The following PLXDC2 variants were observed in gnomAD, a reference collection of about 807,000 sequenced individuals.
PLXDC2 encodes plexin domain containing 2.
In PLXDC2, 40 loss-of-function variants were observed where a neutral mutation model predicts 68.9. That is an observed-to-expected ratio of 0.58 (90% confidence interval 0.45 to 0.76). PLXDC2 has a LOEUF of 0.76. PLXDC2 is among the 30% of genes least tolerant of loss of function. The probability of loss-of-function intolerance (pLI) is 0.00; values close to 1 mark genes in which losing one functional copy is unlikely to be tolerated. For synonymous variants in PLXDC2, 243 were observed against 234.2 expected, an observed-to-expected ratio of 1.04 and a Z score of -0.34; for missense variants, 644 against 661.9, an observed-to-expected ratio of 0.97 and a Z score of 0.30.
chr10:19,885,817 G>C (rs1195192401), intron 1 of PLXDC2, among the ~76,000 whole-genome samples: 1 of 152,158 alleles, frequency 6.6e-6, no homozygotes, highest in African/African-American at 2.4e-5. Context: ...TTTTGGCTTA[G>C]GATTGACTTG....
chr10:20,194,214 G>A lies in PLXDC2; in HGVS notation c.1061+16805G>A, dbSNP rs919927401. ...GCTGTGTGTGTGTGTGTGTGTGTGTGTGTGTGTGTGTGTGTAGTTAAAATT... is the reference window on the plus strand; with the variant it reads ...GCTGTGTGTGTGTGTGTGTGTGTGTATGTGTGTGTGTGTGTAGTTAAAATT... On this transcript the variant is annotated intron_variant, in intron 9 of 13. Transcript: ENST00000377252. 6.6e-5 allele frequency among the ~76,000 whole-genome samples: 10 copies of A among 151,488 alleles called. 1 individual carries two copies. Among genetic ancestry groups the A allele is most frequent in the African/African-American group, 2.4e-4 (10 of 41,280 alleles).
At chr10:20,173,170 C>A (rs1834472705) in intron 7 of PLXDC2, among the ~76,000 whole-genome samples, 1 of 152,056 alleles carries the variant, frequency 6.6e-6, no homozygotes, top group Admixed American at 6.6e-5. Context: ...TTAAAGAGTA[C>A]TCAGTAAACG....
intron 13 of PLXDC2, among the ~76,000 whole-genome samples, chr10:20,266,786 A>C (rs1835877648): frequency 6.6e-6 from 1 of 152,210 alleles, no homozygotes; most frequent in South Asian, 2.1e-4. Flanking sequence ...AATTCTAATA[A>C]CAATATAGGC....
chr10:19,956,590 A>T (rs2131599331), intron 1 of PLXDC2, among the ~76,000 whole-genome samples: 1 of 152,314 alleles, frequency 6.6e-6, no homozygotes, highest in South Asian at 2.1e-4. Flanking sequence ...ACACTAGCTG[A>T]TTTATTATGT....
At chr10:20,114,446 G>A (rs1564319954) in intron 4 of PLXDC2, among the ~76,000 whole-genome samples, 1 of 152,198 alleles carries the variant, frequency 6.6e-6, no homozygotes, top group Admixed American at 6.5e-5. Context: ...ATACAAACAT[G>A]AAAATGTTAT....
At chr10:19,899,953 G>T (rs1294056851) in intron 1 of PLXDC2, among the ~76,000 whole-genome samples, 1 of 152,112 alleles carries the variant, frequency 6.6e-6, no homozygotes, top group African/African-American at 2.4e-5. Context: ...TAGATGGTTA[G>T]AGAATTATTA....
intron 2 of PLXDC2, among the ~76,000 whole-genome samples, chr10:20,024,890 A>C (rs979005625): frequency 6.6e-6 from 1 of 152,168 alleles, no homozygotes; most frequent in African/African-American, 2.4e-5. Flanking sequence ...TGCTTAAAGG[A>C]CATGATTTCA....
At chr10:20,146,424 T>C (rs117606595) in intron 5 of PLXDC2, among the ~76,000 whole-genome samples, 4,918 of 150,786 alleles carry the variant, frequency 0.033, 108 homozygotes, top group African/African-American at 0.047. Context: ...TTTCTTTCTT[T>C]CTTTCTTTTT....
intron 2 of PLXDC2, among the ~76,000 whole-genome samples, chr10:20,014,101 C>T (rs1030582263): frequency 2.0e-5 from 3 of 152,306 alleles, no homozygotes; most frequent in East Asian, 3.9e-4. Flanking sequence ...TTCCTCAAAA[C>T]TCTATGGAAA....
intron 4 of PLXDC2, among the ~76,000 whole-genome samples, chr10:20,077,379 T>C (rs189308264): frequency 8.9e-4 from 135 of 152,304 alleles, no homozygotes; most frequent in Non-Finnish European, 1.6e-3. Flanking sequence ...GTTGGTACAA[T>C]GTGAAAGTAG....
rs1833772015 is a variant in PLXDC2 at position 20,126,141 on chromosome 10, A to G, written c.542-17154A>G. 2.0e-5 allele frequency among the ~76,000 whole-genome samples: 3 copies of G among 147,424 alleles called. 1 individual carries two copies. The highest frequency in any genetic ancestry group is 4.9e-5 in the African/African-American group (2 of 40,528). On this transcript the variant is annotated intron_variant, in intron 4 of 13. Transcript: ENST00000377252. ...TATATAATATATGTTATATATGTGT[A>G]TATATAACATATATTATGTATGTAT...
intron 2 of PLXDC2, among the ~76,000 whole-genome samples, chr10:20,043,973 G>A (rs1265857225): frequency 1.3e-5 from 2 of 151,842 alleles, no homozygotes; most frequent in African/African-American, 2.4e-5. Context: ...GATTCTTTTC[G>A]TTGACCATAA....
intron 13 of PLXDC2, among the ~76,000 whole-genome samples, chr10:20,249,550 C>T (rs142326126): frequency 3.9e-5 from 6 of 152,190 alleles, no homozygotes; most frequent in Non-Finnish European, 7.4e-5. Context: ...CTGTTCCCAC[C>T]GTCACATCTC....
At chr10:19,889,332 G>A (rs1463335615) in intron 1 of PLXDC2, among the ~76,000 whole-genome samples, 1 of 151,712 alleles carries the variant, frequency 6.6e-6, no homozygotes, top group Non-Finnish European at 1.5e-5. Context: ...ATGCTCTTGG[G>A]ACCGTGAATT....
chr10:19,926,755 C>T (rs993409586), intron 1 of PLXDC2, among the ~76,000 whole-genome samples: 4 of 152,104 alleles, frequency 2.6e-5, no homozygotes, highest in South Asian at 2.1e-4. Flanking sequence ...TGAGAAAGCA[C>T]GTAGTTTCAG....
chr10:20,210,100 A>C (rs1172795219), intron 9 of PLXDC2, among the ~76,000 whole-genome samples: 1 of 152,150 alleles, frequency 6.6e-6, no homozygotes, highest in Non-Finnish European at 1.5e-5. Context: ...TATTCACAGC[A>C]ATACAGTAGC....
intron 1 of PLXDC2, among the ~76,000 whole-genome samples, chr10:19,829,781 G>T (rs760564727): frequency 4.6e-5 from 7 of 152,112 alleles, no homozygotes; most frequent in Non-Finnish European, 8.8e-5. Context: ...TAGAGATGGA[G>T]TGACTGCAAA....
chr10:20,076,338 A>T (rs1589617435), intron 4 of PLXDC2, among the ~76,000 whole-genome samples: 1 of 152,228 alleles, frequency 6.6e-6, no homozygotes, highest in South Asian at 2.1e-4. Context: ...TTTGAATCTG[A>T]ATACTTCAGT....
chr10:20,188,524 T>C (rs193173217), intron 9 of PLXDC2, among the ~76,000 whole-genome samples: 127 of 151,820 alleles, frequency 8.4e-4, no homozygotes, highest in African/African-American at 3.0e-3. Flanking sequence ...ATAAGCCTTT[T>C]TGGGGAATGC....
Sources: gnomAD v4.1 joint callset for allele counts (sites outside exome capture counted in the v4.1 genomes callset) on GRCh38, gnomAD v4.1.1 for gene constraint, MANE v1.5 for transcripts, NCBI Gene and HGNC (gene_info 2026-07-23, HGNC 2026-07-21) for gene names.